RANBP2: variants seen among roughly 807,000 people sequenced by gnomAD.
RANBP2 encodes E3 SUMO-protein ligase RanBP2.
In RANBP2, 57 loss-of-function variants were observed where a neutral mutation model predicts 303.6. The ratio of observed to expected loss-of-function variants is 0.19; its 90% CI spans 0.15 to 0.23. RANBP2 has a LOEUF of 0.23. Among genes scored for constraint, RANBP2 ranks in the 10% least tolerant of loss-of-function variants. The probability of loss-of-function intolerance (pLI) is 1.00; values close to 1 mark genes in which losing one functional copy is unlikely to be tolerated. For synonymous variants in RANBP2, 1,167 were observed against 1,301.5 expected, an observed-to-expected ratio of 0.90 and a Z score of 2.23; for missense variants, 3,138 against 3,780.8, an observed-to-expected ratio of 0.83 and a Z score of 4.46.
At chr2:108,794,512 T>G in the RANBP2 span, 6 of 1,568,462 alleles carry the variant, frequency 3.8e-6, no homozygotes, top group East Asian at 1.1e-4. Flanking sequence ...TAATAAAGTT[T>G]ATAATGCAAA....
At chr2:109,605,189 T>C in the RANBP2 span, among the ~76,000 whole-genome samples, 1 of 152,218 alleles carries the variant, frequency 6.6e-6, no homozygotes, top group Non-Finnish European at 1.5e-5. Context: ...ATCAAGCCAG[T>C]CAGGCTTAGT....
chr2:109,713,669 T>G, the RANBP2 span, among the ~76,000 whole-genome samples: 1 of 152,190 alleles, frequency 6.6e-6, no homozygotes, highest in Non-Finnish European at 1.5e-5. Flanking sequence ...CCCTGATCCT[T>G]GTGCCCAGAG....
chr2:109,163,738 T>G, the RANBP2 span, among the ~76,000 whole-genome samples: 1 of 152,138 alleles, frequency 6.6e-6, no homozygotes, highest in Non-Finnish European at 1.5e-5. Flanking sequence ...GATTCCACAG[T>G]GAGTAACTGG....
the RANBP2 span, among the ~76,000 whole-genome samples, chr2:109,323,659 G>T: frequency 1.3e-5 from 2 of 152,184 alleles, no homozygotes; most frequent in Non-Finnish European, 2.9e-5. Context: ...CTGTGTGTCC[G>T]CCAAGCTCCC....
At chr2:109,564,325 T>A in the RANBP2 span, 1 of 1,475,246 alleles carries the variant, frequency 6.8e-7, no homozygotes, top group African/African-American at 1.4e-5. Context: ...CAATCCTCTC[T>A]AACTTCCTCT....
the RANBP2 span, chr2:109,614,214 C>A: frequency 9.8e-7 from 1 of 1,024,144 alleles, no homozygotes; most frequent in Non-Finnish European, 1.2e-6. Context: ...GTGGGCGGGC[C>A]TTGAGGCGAG....
chr2:109,229,876 G>A, the RANBP2 span, among the ~76,000 whole-genome samples: 23 of 147,978 alleles, frequency 1.6e-4, no homozygotes, highest in Admixed American at 5.4e-4. Flanking sequence ...CCAGGCTGGA[G>A]TGCAGTGGCG....
chr2:108,848,407 ACT>A, the RANBP2 span, among the ~76,000 whole-genome samples: 2 of 152,240 alleles, frequency 1.3e-5, no homozygotes, highest in South Asian at 2.1e-4. Flanking sequence ...ATTTGTGGAG[ACT>A]CTGTATTAAT....
the RANBP2 span, among the ~76,000 whole-genome samples, chr2:109,628,536 A>T: frequency 6.6e-6 from 1 of 151,858 alleles, no homozygotes; most frequent in East Asian, 1.9e-4. Flanking sequence ...ATAAATAAAT[A>T]AATAGATTCC....
chr2:108,930,299 C>A, the RANBP2 span: 2 of 1,611,744 alleles, frequency 1.2e-6, no homozygotes, highest in African/African-American at 2.7e-5. Context: ...ACATGTGACT[C>A]CTGCAAGACC....
the RANBP2 span, among the ~76,000 whole-genome samples, chr2:109,474,671 G>A: frequency 1.3e-5 from 2 of 152,218 alleles, no homozygotes; most frequent in Non-Finnish European, 2.9e-5. Flanking sequence ...GGACAGCATC[G>A]GGCCAGCCCC....
At chr2:109,492,911 C>T in the RANBP2 span, among the ~76,000 whole-genome samples, 60 of 152,200 alleles carry the variant, frequency 3.9e-4, 1 homozygote, top group Admixed American at 2.0e-3. Flanking sequence ...GTCCCAGCCC[C>T]TACAGCCACA....
the RANBP2 span, among the ~76,000 whole-genome samples, chr2:109,673,106 G>A: frequency 6.6e-6 from 1 of 152,156 alleles, no homozygotes; most frequent in Non-Finnish European, 1.5e-5. Context: ...AAGCTCTAAG[G>A]GGGCCGTGAG....
chr2:109,534,291 G>A, the RANBP2 span, among the ~76,000 whole-genome samples: 2 of 152,148 alleles, frequency 1.3e-5, no homozygotes, highest in Non-Finnish European at 2.9e-5. Flanking sequence ...TGCCACTGCC[G>A]TCTCAAGTCC....
chr2:109,592,187 G>A, the RANBP2 span, among the ~76,000 whole-genome samples: 4 of 151,738 alleles, frequency 2.6e-5, no homozygotes, highest in South Asian at 2.1e-4. Context: ...AATAACGGCC[G>A]GGCGTGGTGG....
At chr2:108,800,075 A>C in the RANBP2 span, among the ~76,000 whole-genome samples, 1 of 152,036 alleles carries the variant, frequency 6.6e-6, no homozygotes, top group Non-Finnish European at 1.5e-5. Flanking sequence ...TCATCTCAAG[A>C]TAGGGATCTG....
chr2:109,317,001 A>C, the RANBP2 span, among the ~76,000 whole-genome samples: 1 of 152,000 alleles, frequency 6.6e-6, no homozygotes, highest in Non-Finnish European at 1.5e-5. Flanking sequence ...TTTATCACTG[A>C]ATAACACTCC....
At chr2:108,825,413 C>T in the RANBP2 span, among the ~76,000 whole-genome samples, 1 of 151,630 alleles carries the variant, frequency 6.6e-6, no homozygotes. Flanking sequence ...AGTTTTAGAA[C>T]ATTTTATCTC....
chr2:109,429,705 C>A, the RANBP2 span, among the ~76,000 whole-genome samples: 1 of 152,306 alleles, frequency 6.6e-6, no homozygotes, highest in East Asian at 1.9e-4. Context: ...CCTGAACATG[C>A]GTGACCATGG....
Sources: gnomAD v4.1 joint callset for allele counts (sites outside exome capture counted in the v4.1 genomes callset) on GRCh38, gnomAD v4.1.1 for gene constraint, MANE v1.5 for transcripts, NCBI Gene and HGNC (gene_info 2026-07-23, HGNC 2026-07-21) for gene names.